Variants in LUZP2 observed in about 807,000 individuals in gnomAD.
LUZP2 encodes leucine zipper protein 2.
A neutral mutation model predicts 51.6 loss-of-function variants in LUZP2; 52 were observed. That is an observed-to-expected ratio of 1.01 (90% CI 0.81 to 1.27). The LOEUF (loss-of-function observed/expected upper bound fraction) is 1.27, where lower values mean the gene tolerates loss of function less well. Ranked by LOEUF, LUZP2 falls within the 50% of genes most tolerant of loss-of-function variation. The pLI is 0.00. For missense variants in LUZP2, 436 were observed against 395.4 expected (o/e 1.10, Z -0.87); for synonymous variants, 154 against 137.3 (o/e 1.12, Z -0.85).
intron 1 of LUZP2, among the ~76,000 whole-genome samples, chr11:24,717,291 T>A (rs1858083921): frequency 6.6e-6 from 1 of 151,678 alleles, no homozygotes; most frequent in Non-Finnish European, 1.5e-5. Flanking sequence ...ATTTTTTTTC[T>A]TATTTTAAAA....
chr11:24,836,789 G>A (rs1850872746), intron 5 of LUZP2, among the ~76,000 whole-genome samples: 1 of 151,692 alleles, frequency 6.6e-6, no homozygotes, highest in Non-Finnish European at 1.5e-5. Flanking sequence ...GTTCTAGTCT[G>A]GAACATTTCA....
chr11:24,535,170 T>G (rs888795320), intron 1 of LUZP2, among the ~76,000 whole-genome samples: 1 of 151,384 alleles, frequency 6.6e-6, no homozygotes, highest in African/African-American at 2.4e-5. Flanking sequence ...ATCATCTAGA[T>G]TTCAGCAATT....
chr11:24,730,794 G>A (rs536833955), intron 2 of LUZP2, among the ~76,000 whole-genome samples: 2 of 151,852 alleles, frequency 1.3e-5, no homozygotes, highest in South Asian at 4.2e-4. Context: ...AAAGTTGCTT[G>A]ATACCAATAT....
intron 9 of LUZP2, among the ~76,000 whole-genome samples, chr11:25,033,716 G>A (rs1434546186): frequency 2.0e-5 from 3 of 152,026 alleles, no homozygotes; most frequent in Admixed American, 1.3e-4. Context: ...TAGAATTATG[G>A]CCTCCAACTC....
At position 24,733,178 on chromosome 11, in the gene LUZP2, A is replaced by G. The variant is rs1320201474; in HGVS notation, c.251+990A>G. The stretch of plus-strand genomic sequence containing the variant: ...AATGATATCTATTAAAAAATATAAA[A>G]TCAATTGTTTTACATGGACTCTTAT... On this transcript the variant is annotated intron_variant, in intron 3 of 11. Coordinates refer to ENST00000336930, the MANE Select transcript of LUZP2 (RefSeq NM_001009909.4). Among the ~76,000 whole-genome samples, 3 of 151,818 alleles carry G rather than the reference A, an allele frequency of 2.0e-5. No homozygotes were observed. The Admixed American group carries it at 2.0e-4, about 10-fold the overall frequency.
At chr11:24,782,680 C>A (rs555096949) in intron 5 of LUZP2, among the ~76,000 whole-genome samples, 91 of 152,052 alleles carry the variant, frequency 6.0e-4, no homozygotes, top group African/African-American at 2.1e-3. Flanking sequence ...CCTTGAGGAA[C>A]CCAGTGCCTG....
intron 5 of LUZP2, among the ~76,000 whole-genome samples, chr11:24,824,638 A>C (rs1250114026): frequency 1.3e-5 from 2 of 151,930 alleles, no homozygotes; most frequent in Non-Finnish European, 2.9e-5. Flanking sequence ...AATATTAAAA[A>C]ATTGAATAAA....
chr11:24,837,406 C>G (rs1330968751), intron 5 of LUZP2, among the ~76,000 whole-genome samples: 1 of 151,476 alleles, frequency 6.6e-6, no homozygotes, highest in African/African-American at 2.4e-5. Context: ...CACTGATCGT[C>G]TGAGCCCTCA....
intron 5 of LUZP2, among the ~76,000 whole-genome samples, chr11:24,896,394 C>A (rs944272380): frequency 2.0e-5 from 3 of 152,148 alleles, no homozygotes; most frequent in African/African-American, 7.2e-5. Context: ...GCCAGCCGGC[C>A]GGCGATGCCA....
intron 1 of LUZP2, among the ~76,000 whole-genome samples, chr11:24,724,295 G>A (rs998348463): frequency 2.0e-5 from 3 of 151,990 alleles, no homozygotes; most frequent in Non-Finnish European, 4.4e-5. Context: ...ACAAGCCAGG[G>A]GTCATGGCTC....
rs75541299 is a variant in LUZP2, at chr11:24,578,312, G to A, written c.62+81007G>A. 3.1e-3 allele frequency among the ~76,000 whole-genome samples: 466 copies of A among 152,058 alleles called. 18 individuals carry two copies. The East Asian group carries it at 0.071, about 23-fold the overall frequency. On this transcript the variant is annotated intron_variant, in intron 1 of 11. Coordinates refer to ENST00000336930, the MANE Select transcript of LUZP2 (RefSeq NM_001009909.4). ...TTACTGTCCAGAAATATTTCATGTG[G>A]TTCATAATATACTTTTTGTTTTCAT...
At chr11:24,849,134 C>CTT in intron 5 of LUZP2, among the ~76,000 whole-genome samples, 1 of 151,790 alleles carries the variant, frequency 6.6e-6, no homozygotes, top group African/African-American at 2.4e-5. Flanking sequence ...TTTGATATAT[C>CTT]TTTTTTATTA....
intron 5 of LUZP2, among the ~76,000 whole-genome samples, chr11:24,872,079 C>A (rs572648567): frequency 1.3e-5 from 2 of 152,196 alleles, no homozygotes; most frequent in East Asian, 3.9e-4. Context: ...TGACTTCTCC[C>A]TGCATGTTAT....
intron 1 of LUZP2, among the ~76,000 whole-genome samples, chr11:24,571,676 A>T (rs1459139255): frequency 6.6e-6 from 1 of 152,080 alleles, no homozygotes; most frequent in Non-Finnish European, 1.5e-5. Flanking sequence ...TTAATCGCTT[A>T]AGAATATCTA....
chr11:24,902,405 G>A (rs1461834843), intron 5 of LUZP2, among the ~76,000 whole-genome samples: 3 of 152,070 alleles, frequency 2.0e-5, no homozygotes, highest in Non-Finnish European at 2.9e-5. Context: ...TGAGAAATCC[G>A]GAGAAAATAA....
chr11:24,936,844 A>G (rs543969160), intron 7 of LUZP2, among the ~76,000 whole-genome samples: 138 of 152,272 alleles, frequency 9.1e-4, no homozygotes, highest in Non-Finnish European at 1.7e-3. Flanking sequence ...TTCCAATTTC[A>G]TAATCTCAAC....
intron 7 of LUZP2, among the ~76,000 whole-genome samples, chr11:24,929,734 C>T (rs1854390043): frequency 6.6e-6 from 1 of 152,004 alleles, no homozygotes; most frequent in African/African-American, 2.4e-5. Flanking sequence ...CTGTTAAGTC[C>T]ATTTGTTCTA....
At chr11:24,899,926 A>G (rs1853220606) in intron 5 of LUZP2, among the ~76,000 whole-genome samples, 1 of 152,138 alleles carries the variant, frequency 6.6e-6, no homozygotes, top group Non-Finnish European at 1.5e-5. Context: ...TTGGAATTCT[A>G]ATGACTTTCA....
chr11:25,040,980 T>G (rs1029904138), intron 9 of LUZP2, among the ~76,000 whole-genome samples: 1 of 152,132 alleles, frequency 6.6e-6, no homozygotes. Context: ...AGCTCTTGAC[T>G]GCCCTCATTC....
Sources: gnomAD v4.1 joint callset for allele counts (sites outside exome capture counted in the v4.1 genomes callset) on GRCh38, gnomAD v4.1.1 for gene constraint, MANE v1.5 for transcripts, NCBI Gene and HGNC (gene_info 2026-07-23, HGNC 2026-07-21) for gene names.